Variants in METTL16 observed in about 807,000 individuals in gnomAD.
METTL16 encodes the protein methyltransferase 16, RNA N6-adenosine.
A neutral mutation model predicts 57.9 loss-of-function variants in METTL16; 19 were observed. That is an observed-to-expected ratio of 0.33 (90% CI 0.23 to 0.48). METTL16 has a LOEUF of 0.48. Ranked by LOEUF, METTL16 falls within the 20% of genes least tolerant of loss-of-function variation. The pLI is 0.99. For missense variants in METTL16, 434 were observed against 691.5 expected (o/e 0.63, Z 4.18); for synonymous variants, 246 against 255.6 (o/e 0.96, Z 0.36).
intron 8 of METTL16, chr17:2,424,151 T>C (rs1056842936): frequency 6.6e-5 from 10 of 150,784 alleles, no homozygotes; most frequent in African/African-American, 1.5e-4. Context: ...TCTCGCTCTG[T>C]CGCCCAGGCT....
At position 2,430,576 on chromosome 17, in the gene METTL16, G is replaced by A. The variant is rs374730254; in HGVS notation, c.888+7533C>T. On this transcript the variant is annotated intron_variant, in intron 8 of 9. Transcript: ENST00000263092. Reference sequence around the variant, plus strand: ...GACTACAGGCGCCCACCACCACGCCGGGCTAATTTTTTTGTATTTTTTTAG... The same window carrying A: ...GACTACAGGCGCCCACCACCACGCCAGGCTAATTTTTTTGTATTTTTTTAG... 8.3e-5 allele frequency among the ~76,000 whole-genome samples: 10 copies of A among 121,108 alleles called. No individual in the cohort carries two copies. The South Asian group carries it at 1.6e-3, about 20-fold the overall frequency. 79.5% of individuals were successfully genotyped at this position (121,108 alleles called of 152,430 possible). A position where few individuals can be genotyped will look rare whatever the true frequency, so the allele number is the denominator to read the frequency against.
At chr17:2,497,367 T>C (rs1184099026) in intron 2 of METTL16, among the ~76,000 whole-genome samples, 6 of 128,194 alleles carry the variant, frequency 4.7e-5, no homozygotes, top group African/African-American at 1.2e-4. Context: ...GGCTGGAGTG[T>C]AGTGGCACAA....
At position 2,419,781 on chromosome 17, in the gene METTL16, A is replaced by G. The variant is rs1184814196; in HGVS notation, c.*189T>C. 8.1e-6 allele frequency: 6 copies of G among 740,342 alleles called. No individual in the cohort carries two copies. The highest frequency in any genetic ancestry group is 1.4e-5 in the Non-Finnish European group (6 of 423,186). 45.9% of individuals were successfully genotyped at this position (740,342 alleles called of 1,614,324 possible). ...ATTCCTCCTTGTAAATGACCACACTACGACTCCCTGTAACTCAAAAAGCGG... is the reference window on the plus strand; with the variant it reads ...ATTCCTCCTTGTAAATGACCACACTGCGACTCCCTGTAACTCAAAAAGCGG... On this transcript the variant is annotated 3_prime_UTR_variant, in exon 10 of 10. Transcript: ENST00000263092.
intron 8 of METTL16, among the ~76,000 whole-genome samples, chr17:2,435,119 T>C (rs1369064826): frequency 7.6e-6 from 1 of 132,336 alleles, no homozygotes; most frequent in Non-Finnish European, 1.5e-5. Context: ...CTATCAACAT[T>C]AGGACCTTTT....
intron 2 of METTL16, among the ~76,000 whole-genome samples, chr17:2,479,905 G>A (rs1275829146): frequency 2.0e-5 from 3 of 152,116 alleles, no homozygotes; most frequent in Non-Finnish European, 4.4e-5. Context: ...GTAAAGGACT[G>A]GCCGGGCACG....
chr17:2,428,590 TATATATATATA>T (rs2066842745), intron 8 of METTL16, among the ~76,000 whole-genome samples: 1 of 42,236 alleles, frequency 2.4e-5, no homozygotes, highest in Non-Finnish European at 3.7e-5. Flanking sequence ...TATATATATA[TATATATATATA>T]TAAATTGTAA....
Position 2,467,768 on chromosome 17 carries a change from TC to T in METTL16, c.577del (p.Glu193LysfsTer5). On this transcript the variant is annotated frameshift_variant, in exon 5 of 10. Transcript: ENST00000263092. LOFTEE classifies it high-confidence loss of function. ...AAGCAGAAGACATTTTACCTTGGCT[TC>T]CAATTGATTGGCAAAAAAGGGAGGG... ...CNPPFFANQLEAKGVNSRNPR... is the reference protein window; with the variant it reads ...CNPPFFANQLXAKGVNSRNPR... 1 of 1,612,836 alleles carries T rather than the reference TC, an allele frequency of 6.2e-7. No homozygotes were observed. Among genetic ancestry groups the T allele is most frequent in the Non-Finnish European group, 8.5e-7 (1 of 1,178,848 alleles).
chr17:2,448,192 A>T (rs2067028984), intron 6 of METTL16, among the ~76,000 whole-genome samples: 1 of 149,508 alleles, frequency 6.7e-6, no homozygotes, highest in African/African-American at 2.4e-5. Flanking sequence ...GGCCGCCCCT[A>T]CTGGGAAGTG....
In METTL16 at chr17:2,496,076, C is replaced by T. The variant is rs564460971; in HGVS notation, c.128+6128G>A. 8.4e-4 allele frequency among the ~76,000 whole-genome samples: 127 copies of T among 151,472 alleles called. 1 individual carries two copies. The highest frequency in any genetic ancestry group is 2.7e-3 in the Admixed American group (41 of 15,228). Reference sequence around the variant, plus strand: ...AGTGACCTGAGACCACACCACTGCACTCCAGCAGCCAGGGTGACAGAGCGA... The same window carrying T: ...AGTGACCTGAGACCACACCACTGCATTCCAGCAGCCAGGGTGACAGAGCGA... On this transcript the variant is annotated intron_variant, in intron 2 of 9. Transcript: ENST00000263092.
At chr17:2,432,551 AGT>A (rs1229827642) in intron 8 of METTL16, among the ~76,000 whole-genome samples, 1 of 152,088 alleles carries the variant, frequency 6.6e-6, no homozygotes, top group Admixed American at 6.6e-5. Flanking sequence ...CCTTGGCAAC[AGT>A]GAGACCCAGT....
intron 2 of METTL16, among the ~76,000 whole-genome samples, chr17:2,491,677 CA>C (rs1319331006): frequency 6.6e-6 from 1 of 151,514 alleles, no homozygotes; most frequent in Admixed American, 6.6e-5. Context: ...AGATGGAGAC[CA>C]TCCTGGCTAA....
At chr17:2,506,654 T>C (rs972764088) in intron 1 of METTL16, among the ~76,000 whole-genome samples, 15 of 152,076 alleles carry the variant, frequency 9.9e-5, no homozygotes, top group Non-Finnish European at 2.1e-4. Context: ...ACCTCCCAGC[T>C]GCCTGCCTTG....
Position 2,422,597 on chromosome 17 carries a change from C to A in METTL16, c.889-1693G>T, listed in dbSNP as rs916532265. On this transcript the variant is annotated intron_variant, in intron 8 of 9. Coordinates refer to ENST00000263092, the MANE Select transcript of METTL16 (RefSeq NM_024086.4). ...ATGTTGGCCAGGATGGTCTCGATCT[C>A]TTGACCTCGTGATCCACCCACCTCG... Among the ~76,000 whole-genome samples, 3 of 148,820 alleles carry A rather than the reference C, an allele frequency of 2.0e-5. No homozygotes were observed. The Admixed American group carries it at 2.0e-4, about 10-fold the overall frequency.
intron 2 of METTL16, among the ~76,000 whole-genome samples, chr17:2,485,360 AAAT>A (rs1373723085): frequency 6.6e-6 from 1 of 152,212 alleles, no homozygotes; most frequent in African/African-American, 2.4e-5. Context: ...TCATTACATG[AAAT>A]AATACAACGT....
chr17:2,466,536 C>T (rs1245029675), intron 5 of METTL16, among the ~76,000 whole-genome samples: 2 of 152,092 alleles, frequency 1.3e-5, no homozygotes, highest in Admixed American at 6.6e-5. Context: ...CTTTCTTTGT[C>T]GTTAAGTCAA....
chr17:2,493,915 C>T (rs529269679), intron 2 of METTL16, among the ~76,000 whole-genome samples: 5 of 152,168 alleles, frequency 3.3e-5, no homozygotes, highest in South Asian at 2.1e-4. Context: ...GCTCACATTG[C>T]TCTCATCTCT....
At chr17:2,449,191 A>C (rs2067050261) in intron 6 of METTL16, among the ~76,000 whole-genome samples, 1 of 152,208 alleles carries the variant, frequency 6.6e-6, no homozygotes, top group Admixed American at 6.5e-5. Context: ...GGTGAAAGAT[A>C]TTGAAGACCT....
Position 2,502,256 on chromosome 17 carries a change from T to C in METTL16, c.76A>G (p.Lys26Glu). The change falls in exon 2 of 10, where the codon AAA becomes GAA. Residue 26 changes from lysine to glutamate, a missense_variant. Around this residue, in one of 5 missense-constraint regions of METTL16, gnomAD observed 118 missense variants for 280.0 expected, o/e 0.42. Coordinates refer to ENST00000263092, the MANE Select transcript of METTL16 (RefSeq NM_024086.4). ...ACATGCTGCTTAAAATCTGGATATT[T>C]GGATGCCAGATATGCAAAGTCAGGA... ...KPPDFAYLAS[K>E]YPDFKQHVQI... The C allele has an allele frequency of 6.2e-7, 1 of 1,613,948 alleles. No homozygotes were observed. Among genetic ancestry groups the C allele is most frequent in the Non-Finnish European group, 8.5e-7 (1 of 1,179,850 alleles).
At chr17:2,443,150 G>A (rs1306105264) in intron 6 of METTL16, among the ~76,000 whole-genome samples, 3 of 151,646 alleles carry the variant, frequency 2.0e-5, no homozygotes, top group Non-Finnish European at 2.9e-5. Flanking sequence ...CACCACACCC[G>A]GCTAATTTTC....
Sources: allele counts gnomAD v4.1 joint callset (sites outside exome capture counted in the v4.1 genomes callset), GRCh38; gene constraint gnomAD v4.1.1; regional missense constraint gnomAD v4.1.1; transcripts MANE v1.5; gene names NCBI Gene and HGNC (gene_info 2026-07-23, HGNC 2026-07-21).